SPON1: variants seen among roughly 807,000 people sequenced by gnomAD.
SPON1 encodes spondin 1.
SPON1 carries 52 observed loss-of-function variants against 111.7 expected under a neutral mutation model. That is an observed-to-expected ratio of 0.47 (90% CI 0.37 to 0.59). The LOEUF is 0.59. SPON1 is among the 20% of genes least tolerant of loss of function. The probability of loss-of-function intolerance (pLI) is 0.00; values close to 1 mark genes in which losing one functional copy is unlikely to be tolerated. For missense variants in SPON1, 957 were observed against 1,068.5 expected (o/e 0.90, Z 1.46); for synonymous variants, 410 against 395.8 (o/e 1.04, Z -0.43).
rs4756776 is a variant in SPON1 at position 14,203,337 on chromosome 11, T to A, written c.826-39995T>A. ...CTCCATTAACCCCACACACACAGAC[T>A]GGGCTGCTGGCACTTACTGGGTCTT... On this transcript the variant is annotated intron_variant, in intron 6 of 15. Coordinates refer to ENST00000576479, the MANE Select transcript of SPON1 (RefSeq NM_006108.4). Among the ~76,000 whole-genome samples the A allele has an allele frequency of 1.5e-4, 23 of 152,148 alleles. No individual in the cohort carries two copies. In the East Asian group the frequency reaches 3.5e-3, roughly 23 times the overall value.
At chr11:14,248,044 G>C (rs1216830333) in intron 7 of SPON1, among the ~76,000 whole-genome samples, 1 of 152,220 alleles carries the variant, frequency 6.6e-6, no homozygotes, top group Non-Finnish European at 1.5e-5. Context: ...GAGCAGCAAA[G>C]AAATTGGTAA....
chr11:13,974,808 C>T (rs1301939465), intron 1 of SPON1, among the ~76,000 whole-genome samples: 1 of 152,196 alleles, frequency 6.6e-6, no homozygotes, highest in Non-Finnish European at 1.5e-5. Context: ...GATATCCACA[C>T]TTCTTATCAA....
At chr11:13,991,211 C>T (rs1240947416) in intron 2 of SPON1, among the ~76,000 whole-genome samples, 1 of 152,172 alleles carries the variant, frequency 6.6e-6, no homozygotes, top group Non-Finnish European at 1.5e-5. Flanking sequence ...CAGGTACACC[C>T]ATCAAACATA....
intron 14 of SPON1, 119 bp from the exon 15 acceptor site, chr11:14,262,593 T>G (rs145459762): frequency 6.2e-4 from 823 of 1,321,728 alleles, no homozygotes; most frequent in Non-Finnish European, 7.4e-4. Flanking sequence ...TTCTGTAAAA[T>G]AGCATGACAC....
At chr11:14,123,525 G>T (rs1185117005) in intron 5 of SPON1, among the ~76,000 whole-genome samples, 1 of 152,088 alleles carries the variant, frequency 6.6e-6, no homozygotes, top group South Asian at 2.1e-4. Context: ...TATATCTCTA[G>T]CATTGTGTGA....
intron 6 of SPON1, among the ~76,000 whole-genome samples, chr11:14,148,681 T>A (rs1847753336): frequency 1.3e-5 from 2 of 152,192 alleles, no homozygotes; most frequent in African/African-American, 4.8e-5. Flanking sequence ...AACACAGGAC[T>A]TTTGACTTCC....
At chr11:14,023,709 G>A (rs1224809807) in intron 2 of SPON1, among the ~76,000 whole-genome samples, 1 of 152,082 alleles carries the variant, frequency 6.6e-6, no homozygotes, top group East Asian at 1.9e-4. Flanking sequence ...AGAGCAGTAT[G>A]GAAAAAAGAC....
At chr11:14,216,765 C>T (rs1353248283) in intron 6 of SPON1, among the ~76,000 whole-genome samples, 1 of 152,154 alleles carries the variant, frequency 6.6e-6, no homozygotes, top group Non-Finnish European at 1.5e-5. Context: ...TGTTATTGGA[C>T]CCCACCTCCC....
At chr11:14,076,891 C>G (rs1554921513) in intron 4 of SPON1, among the ~76,000 whole-genome samples, 1 of 152,200 alleles carries the variant, frequency 6.6e-6, no homozygotes, top group Non-Finnish European at 1.5e-5. Context: ...TGGACACCAC[C>G]ACACGTGTCT....
intron 6 of SPON1, among the ~76,000 whole-genome samples, chr11:14,231,314 T>A (rs1247508530): frequency 6.6e-6 from 1 of 151,830 alleles, no homozygotes; most frequent in Non-Finnish European, 1.5e-5. Flanking sequence ...TTTGTATTTT[T>A]AGTAGAGACA....
intron 2 of SPON1, among the ~76,000 whole-genome samples, chr11:13,983,816 GA>G (rs570642793): frequency 6.6e-6 from 1 of 152,130 alleles, no homozygotes; most frequent in Admixed American, 6.5e-5. Context: ...AAATTAAGAA[GA>G]AAAAAACTCA....
At chr11:14,056,303 T>G (rs1448399730) in intron 3 of SPON1, among the ~76,000 whole-genome samples, 2 of 152,250 alleles carry the variant, frequency 1.3e-5, no homozygotes, top group African/African-American at 4.8e-5. Flanking sequence ...TTGCTGTTAT[T>G]ACTATTGCTT....
chr11:14,054,725 A>G (rs1245364464), intron 3 of SPON1, among the ~76,000 whole-genome samples: 1 of 152,220 alleles, frequency 6.6e-6, no homozygotes, highest in African/African-American at 2.4e-5. Flanking sequence ...ACAATCCCAG[A>G]TGAAAGCCAC....
At chr11:14,238,237 C>T (rs1457001765) in intron 6 of SPON1, among the ~76,000 whole-genome samples, 2 of 152,116 alleles carry the variant, frequency 1.3e-5, no homozygotes, top group Admixed American at 6.5e-5. Flanking sequence ...CATTTCTCTT[C>T]CTGTGGGGAG....
At chr11:14,182,245 A>G (rs1848242082) in intron 6 of SPON1, among the ~76,000 whole-genome samples, 1 of 152,196 alleles carries the variant, frequency 6.6e-6, no homozygotes, top group Non-Finnish European at 1.5e-5. Context: ...AAGTCCACTC[A>G]TCTTTTAAAA....
intron 5 of SPON1, among the ~76,000 whole-genome samples, chr11:14,083,465 A>G (rs1192181589): frequency 6.6e-6 from 1 of 152,218 alleles, no homozygotes; most frequent in East Asian, 1.9e-4. Context: ...TTAAAGGTTA[A>G]TTACAATGTG....
chr11:14,058,627 G>A (rs542862651), intron 3 of SPON1, among the ~76,000 whole-genome samples: 1 of 152,182 alleles, frequency 6.6e-6, no homozygotes, highest in Non-Finnish European at 1.5e-5. Context: ...CCATGGTAAG[G>A]AGTGGGTGCT....
chr11:14,106,304 A>T (rs1333687832), intron 5 of SPON1, among the ~76,000 whole-genome samples: 2 of 152,142 alleles, frequency 1.3e-5, no homozygotes, highest in Non-Finnish European at 2.9e-5. Flanking sequence ...TATTATAAAC[A>T]CCAAAAAGCC....
chr11:13,991,255 G>A (rs1848227935), intron 2 of SPON1, among the ~76,000 whole-genome samples: 1 of 152,092 alleles, frequency 6.6e-6, no homozygotes, highest in Admixed American at 6.6e-5. Context: ...CATATTTCTT[G>A]GAGGCTTTGT....
Sources: allele counts gnomAD v4.1 joint callset (sites outside exome capture counted in the v4.1 genomes callset), GRCh38; gene constraint gnomAD v4.1.1; transcripts MANE v1.5; gene names NCBI Gene and HGNC (gene_info 2026-07-23, HGNC 2026-07-21).